The following EPB41 variants were observed in gnomAD, a reference collection of about 807,000 sequenced individuals.
EPB41 encodes the protein erythrocyte membrane protein band 4.1.
A neutral mutation model predicts 108.0 loss-of-function variants in EPB41; 65 were observed. The observed-to-expected ratio is 0.60, with a 90% CI of 0.49 to 0.74. EPB41 has a LOEUF of 0.74. Among genes scored for constraint, EPB41 ranks in the 30% least tolerant of loss-of-function variants. The probability of loss-of-function intolerance (pLI) is 0.00; values close to 1 mark genes in which losing one functional copy is unlikely to be tolerated. For missense variants in EPB41, 875 were observed against 1,037.0 expected (o/e 0.84, Z 2.15); for synonymous variants, 336 against 358.9 (o/e 0.94, Z 0.72).
intron 11 of EPB41, among the ~76,000 whole-genome samples, chr1:29,045,618 G>A (rs1452241521): frequency 6.8e-6 from 1 of 147,358 alleles, no homozygotes; most frequent in Non-Finnish European, 1.5e-5. Flanking sequence ...GCTCCCCAAA[G>A]TGCTAGGATT....
At chr1:29,027,661 C>T (rs1028880460) in intron 7 of EPB41, among the ~76,000 whole-genome samples, 2 of 152,022 alleles carry the variant, frequency 1.3e-5, no homozygotes, top group Admixed American at 1.3e-4. Context: ...CGCCTAGGCT[C>T]ATAGACTCAA....
At chr1:28,937,048 A>G (rs978006475) in intron 1 of EPB41, among the ~76,000 whole-genome samples, 7 of 152,186 alleles carry the variant, frequency 4.6e-5, no homozygotes, top group African/African-American at 1.4e-4. Flanking sequence ...AAGGGTACCA[A>G]TGTCTCTGCA....
At chr1:29,058,914 C>T (rs1646025193) in intron 14 of EPB41, 62 bp downstream of exon 14, 3 of 1,339,082 alleles carry the variant, frequency 2.2e-6, no homozygotes, top group African/African-American at 2.9e-5. Context: ...ACTTACAGTG[C>T]ATTAAAAAGA....
Position 29,060,451 on chromosome 1 carries a change from C to T in EPB41, c.1974C>T (p.Asn658=). ...AGAGAGAAAGACTAGATGGTGAAAA[C>T]ATTTATATCAGACATAGCAATTTAA... ...KKKRERLDGE[N]IYIRHSNLML... is the part of the protein sequence containing the mutation. The change falls in exon 15 of 21, where the codon AAC becomes AAT. Residue 658 remains asparagine (N), a synonymous_variant. Coordinates refer to ENST00000343067, the MANE Select transcript of EPB41 (RefSeq NM_001376013.1). 6.2e-7 allele frequency: 1 copy of T among 1,613,222 alleles called. No individual in the cohort carries two copies. Among genetic ancestry groups the T allele is most frequent in the Non-Finnish European group, 8.5e-7 (1 of 1,179,294 alleles).
chr1:29,035,414 T>C (rs1005460504), intron 9 of EPB41, among the ~76,000 whole-genome samples: 19 of 152,234 alleles, frequency 1.2e-4, no homozygotes, highest in African/African-American at 4.3e-4. Context: ...TTCTATTGCA[T>C]AATAATATTG....
At chr1:29,066,351 G>A (rs928250538) in intron 16 of EPB41, among the ~76,000 whole-genome samples, 44 of 151,404 alleles carry the variant, frequency 2.9e-4, no homozygotes, top group Admixed American at 3.9e-4. Context: ...CCTGGGAGGC[G>A]GAGATTGCAG....
intron 16 of EPB41, among the ~76,000 whole-genome samples, chr1:29,091,228 TCTTA>T (rs1405396148): frequency 6.6e-6 from 1 of 152,204 alleles, no homozygotes; most frequent in African/African-American, 2.4e-5. Flanking sequence ...CAAAATTGGC[TCTTA>T]CTTGATTATC....
chr1:28,946,761 A>C (rs1212232632), intron 1 of EPB41, among the ~76,000 whole-genome samples: 2 of 152,236 alleles, frequency 1.3e-5, no homozygotes, highest in South Asian at 2.1e-4. Context: ...AATTATGAAG[A>C]AGATAGCTGA....
upstream of EPB41, among the ~76,000 whole-genome samples, chr1:28,912,741 G>A (rs545067047): frequency 2.6e-5 from 4 of 151,562 alleles, no homozygotes; most frequent in East Asian, 3.9e-4. Context: ...CTCAACCTCC[G>A]AGAATAACTG....
intron 11 of EPB41, among the ~76,000 whole-genome samples, chr1:29,049,948 A>G (rs1644202980): frequency 6.6e-6 from 1 of 152,246 alleles, no homozygotes; most frequent in African/African-American, 2.4e-5. Context: ...TGAATATACT[A>G]AAAAGCATTG....
chr1:28,932,208 C>T (rs1339787005), intron 1 of EPB41, among the ~76,000 whole-genome samples: 1 of 152,070 alleles, frequency 6.6e-6, no homozygotes, highest in Non-Finnish European at 1.5e-5. Flanking sequence ...CTGCAGCCTC[C>T]GCCTCCCGAA....
In EPB41 at chr1:28,921,959, T is replaced by C. The variant is rs536385098; in HGVS notation, c.-8+7191T>C. On this transcript the variant is annotated intron_variant, in intron 1 of 20. Coordinates refer to ENST00000343067, the MANE Select transcript of EPB41 (RefSeq NM_001376013.1). ...AATTTTATATATATATATATATATATATACACTTTTTTTTTGTTTTTTTTT... is the reference window on the plus strand; with the variant it reads ...AATTTTATATATATATATATATATACATACACTTTTTTTTTGTTTTTTTTT... Among the ~76,000 whole-genome samples, 10 of 114,876 alleles carry C rather than the reference T, an allele frequency of 8.7e-5. 1 individual carries two copies. Among genetic ancestry groups the C allele is most frequent in the Middle Eastern group, 9.3e-3 (2 of 216 alleles). The allele number at this position is 114,876 out of a possible 152,430, so 75.4% of individuals were successfully genotyped here.
intron 3 of EPB41, among the ~76,000 whole-genome samples, chr1:28,994,457 C>T (rs113800994): frequency 4.1e-4 from 63 of 152,124 alleles, no homozygotes; most frequent in African/African-American, 1.4e-3. Flanking sequence ...AGGCTTGAGC[C>T]ACCGCGCCCG....
intron 1 of EPB41, among the ~76,000 whole-genome samples, chr1:28,920,302 A>G (rs2092982346): frequency 6.6e-6 from 1 of 152,122 alleles, no homozygotes; most frequent in African/African-American, 2.4e-5. Flanking sequence ...TTTTTTGGAA[A>G]TAGGTGGAAA....
chr1:28,928,122 A>G (rs2093554368), intron 1 of EPB41, among the ~76,000 whole-genome samples: 1 of 151,990 alleles, frequency 6.6e-6, no homozygotes. Context: ...CAGAGTTACT[A>G]TTATGCTTCT....
intron 2 of EPB41, among the ~76,000 whole-genome samples, chr1:28,990,231 CAA>C (rs529982149): frequency 3.2e-4 from 27 of 85,672 alleles, no homozygotes; most frequent in African/African-American, 5.6e-4. Context: ...GATTCCATCT[CAA>C]AAAAAAAAAA....
At position 28,993,451 on chromosome 1, in the gene EPB41, T is replaced by G. The variant is rs1448522355; in HGVS notation, c.590T>G (p.Leu197Ter). The G allele has an allele frequency of 1.2e-6, 2 of 1,613,892 alleles. No individual in the cohort carries two copies. The highest frequency in any genetic ancestry group is 1.7e-6 in the Non-Finnish European group (2 of 1,179,954). The change falls in exon 3 of 21, where the codon TTA becomes TGA. Residue 197 changes from leucine to a stop codon, truncating the protein, a stop_gained. Transcript: ENST00000343067. LOFTEE classifies it high-confidence loss of function. ...CCTCAATCAAAAGCAGAAACAGAAT[T>G]AAAAGCTTCCCAAAAACCAATCAGA... Reference protein sequence around the residue: ...ESPQSKAETELKASQKPIRKH... With the variant: ...ESPQSKAETE
rs1316611682 is a variant in EPB41, at chr1:28,898,004, T to C, written c.-8+10794T>C. The stretch of plus-strand genomic sequence containing the variant: ...TGGGCTTTGAAGGATGAGTAAGAGC[T>C]CTCTAGGTAGGCAATGGCAGGAACA... On this transcript the variant is annotated intron_variant, in intron 1 of 16. Transcript: ENST00000347529. 3.9e-5 allele frequency among the ~76,000 whole-genome samples: 6 copies of C among 151,930 alleles called. No individual in the cohort carries two copies. The Middle Eastern group carries it at 0.01, about 258-fold the overall frequency.
chr1:28,976,502 A>G (rs2095611127), intron 1 of EPB41, among the ~76,000 whole-genome samples: 1 of 151,746 alleles, frequency 6.6e-6, no homozygotes, highest in East Asian at 1.9e-4. Context: ...TTACAGGGGC[A>G]TGTCACCATA....
Sources: allele counts gnomAD v4.1 joint callset (sites outside exome capture counted in the v4.1 genomes callset), GRCh38; gene constraint gnomAD v4.1.1; transcripts MANE v1.5; gene names NCBI Gene and HGNC (gene_info 2026-07-23, HGNC 2026-07-21).